The following ZNF777 variants were observed in gnomAD, a reference collection of about 807,000 sequenced individuals.
ZNF777 encodes zinc finger protein 777.
ZNF777 carries 7 observed loss-of-function variants against 72.1 expected under a neutral mutation model. The ratio of observed to expected loss-of-function variants is 0.10; its 90% CI spans 0.06 to 0.18. ZNF777 has a LOEUF of 0.18. Ranked by LOEUF, ZNF777 falls within the 10% of genes least tolerant of loss-of-function variation. ZNF777 has a pLI of 1.00. For missense variants in ZNF777, 828 were observed against 1,128.6 expected, an observed-to-expected ratio of 0.73 and a Z score of 3.82; for synonymous variants, 545 against 483.5, an observed-to-expected ratio of 1.13 and a Z score of -1.67.
At chr7:149,454,062 T>C (rs2116604342) in intron 3 of ZNF777, 49 bp downstream of exon 3, 1 of 1,610,154 alleles carries the variant, frequency 6.2e-7, no homozygotes, top group Non-Finnish European at 8.5e-7. Context: ...ATGAATGCAC[T>C]TTGAGCTGGC....
At chr7:149,438,587 A>G (rs1254216158) in intron 4 of ZNF777, among the ~76,000 whole-genome samples, 1 of 152,252 alleles carries the variant, frequency 6.6e-6, no homozygotes, top group Non-Finnish European at 1.5e-5. Context: ...TAGACCTTAC[A>G]TAAGGTGGTA....
intron 1 of ZNF777, chr7:149,459,615 G>A (rs1248956983): frequency 1.0e-6 from 1 of 983,764 alleles, no homozygotes; most frequent in South Asian, 4.7e-5. Flanking sequence ...AGCCCTCTGG[G>A]CAGGCCTTTC....
Position 149,436,038 on chromosome 7 carries a change from C to T in ZNF777, c.1339+537G>A, listed in dbSNP as rs1157571539. Among the ~76,000 whole-genome samples, 1 of 152,184 alleles carries T rather than the reference C, an allele frequency of 6.6e-6. No homozygotes were observed. The highest frequency in any genetic ancestry group is 6.5e-5 in the Admixed American group (1 of 15,288). ...TGTCCTGGGATCAGGCCACCGTGAG[C>T]CCCAGTGCCTTACTGTTCTTGAACT... On this transcript the variant is annotated intron_variant, in intron 5 of 5. Coordinates refer to ENST00000247930, the MANE Select transcript of ZNF777 (RefSeq NM_015694.3). The surrounding 1 kb of genome is among the most constrained non-coding windows in gnomAD (Gnocchi z 5.0).
Position 149,455,860 on chromosome 7 carries a change from A to G in ZNF777, c.163T>C (p.Ser55Pro). The G allele has an allele frequency of 6.2e-7, 1 of 1,613,186 alleles. No individual in the cohort carries two copies. Among genetic ancestry groups the G allele is most frequent in the Non-Finnish European group, 8.5e-7 (1 of 1,179,902 alleles). ...GGAGCACTGGAAGTTTGGGGCAGGG[A>G]GCCTTGACGGGGAATGGTGGGAGAC... ...SLSPTIPRQG[S>P]LPQTSSAPKQ... Residue 55 changes from serine to proline, a missense_variant, in exon 2 of 6, where the codon TCC becomes CCC. Ser to Pro is a moderately conservative substitution (Grantham distance 74). Around this residue, in one of 12 missense-constraint regions of ZNF777, gnomAD observed 222 missense variants for 211.2 expected, o/e 1.05. Coordinates refer to ENST00000247930, the MANE Select transcript of ZNF777 (RefSeq NM_015694.3). The surrounding 1 kb of genome is among the most constrained non-coding windows in gnomAD (Gnocchi z 4.2).
intron 2 of ZNF777, 85 bp from the exon 3 acceptor site, chr7:149,454,322 G>C: frequency 6.4e-7 from 1 of 1,570,144 alleles, no homozygotes. Context: ...CCAAACTCCT[G>C]GCTCTGGGCC....
At chr7:149,441,096 G>T (rs957683119) in intron 4 of ZNF777, among the ~76,000 whole-genome samples, 9 of 152,132 alleles carry the variant, frequency 5.9e-5, no homozygotes, top group Non-Finnish European at 1.0e-4. Context: ...TAAACAGCAG[G>T]GAACGCCAGC....
chr7:149,450,946 T>C (rs1256311948), intron 4 of ZNF777, 53 bp downstream of exon 4: 1 of 1,514,274 alleles, frequency 6.6e-7, no homozygotes, highest in Non-Finnish European at 9.1e-7. Flanking sequence ...TGGCGCTTCC[T>C]GAGTACTGAA....
Position 149,436,064 on chromosome 7 carries a change from CAG to C in ZNF777, c.1339+509_1339+510del, listed in dbSNP as rs1194554592. Among the ~76,000 whole-genome samples, 1 of 152,148 alleles carries C rather than the reference CAG, an allele frequency of 6.6e-6. No individual in the cohort carries two copies. The highest frequency in any genetic ancestry group is 6.5e-5 in the Admixed American group (1 of 15,272). ...CCCAGTGCCTTACTGTTCTTGAACT[CAG>C]AAGGAGCAAGAGTGAGCAGCATGGT... On this transcript the variant is annotated intron_variant, in intron 5 of 5. Coordinates refer to ENST00000247930, the MANE Select transcript of ZNF777 (RefSeq NM_015694.3). This position sits in a 1 kb window ranked among gnomAD's most constrained non-coding sequence, Gnocchi z 5.0.
At chr7:149,451,796 A>G (rs941377245) in intron 3 of ZNF777, among the ~76,000 whole-genome samples, 2 of 152,228 alleles carry the variant, frequency 1.3e-5, no homozygotes, top group Non-Finnish European at 2.9e-5. Context: ...TTGGAAATAA[A>G]GTTAAAAGAT....
At chr7:149,459,635 C>A in intron 1 of ZNF777, 1 of 985,148 alleles carries the variant, frequency 1.0e-6, no homozygotes, top group Non-Finnish European at 1.2e-6. Flanking sequence ...CTGGGGCTGC[C>A]GCACCGTGCC....
In ZNF777 at chr7:149,459,255, C is replaced by T. The variant is rs561843960; in HGVS notation, c.-16+1560G>A. ...TGACTCCCATGCAGTAATCCTCTCACTAGCACGGCCAGGGCGTCTCAAAGA... is the reference window on the plus strand; with the variant it reads ...TGACTCCCATGCAGTAATCCTCTCATTAGCACGGCCAGGGCGTCTCAAAGA... On this transcript the variant is annotated intron_variant, in intron 1 of 5. Transcript: ENST00000247930. Among the ~76,000 whole-genome samples the T allele has an allele frequency of 2.0e-5, 3 of 152,340 alleles. No homozygotes were observed. The East Asian group carries it at 5.8e-4, about 29-fold the overall frequency.
Position 149,455,102 on chromosome 7 carries a change from A to G in ZNF777, c.846+75T>C. 6.6e-7 allele frequency: 1 copy of G among 1,511,118 alleles called. No individual in the cohort carries two copies. The highest frequency in any genetic ancestry group is 8.9e-7 in the Non-Finnish European group (1 of 1,128,512). The allele number at this position is 1,511,118 out of a possible 1,614,324, so 93.6% of individuals were successfully genotyped here. On this transcript the variant is annotated intron_variant, in intron 2 of 5. Coordinates refer to ENST00000247930, the MANE Select transcript of ZNF777 (RefSeq NM_015694.3). The surrounding 1 kb of genome is among the most constrained non-coding windows in gnomAD (Gnocchi z 4.2). ...CCTTTATCAACCACCCCTTTCTTTC[A>G]TATTACACTACATTCCTAAACCACA...
chr7:149,453,314 T>C (rs570323242), intron 3 of ZNF777, among the ~76,000 whole-genome samples: 5 of 152,228 alleles, frequency 3.3e-5, no homozygotes, highest in South Asian at 4.1e-4. Flanking sequence ...AGGAAGGGAA[T>C]GTATCCTATG....
chr7:149,442,618 TAAA>T (rs552079135), intron 4 of ZNF777, among the ~76,000 whole-genome samples: 1 of 125,946 alleles, frequency 7.9e-6, no homozygotes, highest in Admixed American at 8.1e-5. Context: ...AGACTCTGTC[TAAA>T]AAAAAAAAAA....
intron 4 of ZNF777, among the ~76,000 whole-genome samples, chr7:149,443,329 A>G (rs1799556085): frequency 6.6e-6 from 1 of 152,222 alleles, no homozygotes; most frequent in South Asian, 2.1e-4. Flanking sequence ...GTGTATATGT[A>G]TTACTTATAT....
chr7:149,442,005 C>A (rs115206815), intron 4 of ZNF777, among the ~76,000 whole-genome samples: 2 of 151,418 alleles, frequency 1.3e-5, no homozygotes. Flanking sequence ...CTCCTGACGT[C>A]AGGAGTTCGA....
At chr7:149,454,941 G>A (rs1419782164) in intron 2 of ZNF777, among the ~76,000 whole-genome samples, 1 of 152,158 alleles carries the variant, frequency 6.6e-6, no homozygotes, top group African/African-American at 2.4e-5. Flanking sequence ...TCACACCATG[G>A]ACAGCTCTGC....
At chr7:149,456,900 A>C (rs1799844396) in intron 1 of ZNF777, among the ~76,000 whole-genome samples, 1 of 152,226 alleles carries the variant, frequency 6.6e-6, no homozygotes, top group South Asian at 2.1e-4. Context: ...TTCTGCTATA[A>C]GCAGAGCGAG....
chr7:149,450,620 T>C (rs1196509329), intron 4 of ZNF777, among the ~76,000 whole-genome samples: 1 of 152,192 alleles, frequency 6.6e-6, no homozygotes, highest in Non-Finnish European at 1.5e-5. Context: ...TGCCTGCCCC[T>C]TATCCCTCCA....
Sources: gnomAD v4.1 joint callset for allele counts (sites outside exome capture counted in the v4.1 genomes callset) on GRCh38, gnomAD v4.1.1 for gene constraint, gnomAD v4.1.1 regional missense constraint, Gnocchi (gnomAD v3.1) non-coding constraint, MANE v1.5 for transcripts, NCBI Gene and HGNC (gene_info 2026-07-23, HGNC 2026-07-21) for gene names.